Variants in PDE1C observed in about 807,000 individuals in gnomAD.
The protein encoded by PDE1C is dual specificity calcium/calmodulin-dependent 3',5'-cyclic nucleotide phosphodiesterase 1C.
A neutral mutation model predicts 93.1 loss-of-function variants in PDE1C; 62 were observed. The ratio of observed to expected loss-of-function variants is 0.67; its 90% confidence interval spans 0.54 to 0.82. The LOEUF (loss-of-function observed/expected upper bound fraction) is 0.82. PDE1C is among the 40% of genes least tolerant of loss of function. The pLI, the probability that PDE1C is intolerant of heterozygous loss-of-function variation, is 0.00. For missense variants in PDE1C, 742 were observed against 884.6 expected (o/e 0.84, Z 2.04); for synonymous variants, 325 against 310.1 (o/e 1.05, Z -0.50).
chr7:31,657,580 C>T, the PDE1C span, among the ~76,000 whole-genome samples: 6 of 152,256 alleles, frequency 3.9e-5, no homozygotes, highest in East Asian at 1.9e-4. Flanking sequence ...ATACCACTTG[C>T]CCACTGCCAA....
the PDE1C span, among the ~76,000 whole-genome samples, chr7:31,646,251 A>C: frequency 6.6e-6 from 1 of 152,232 alleles, no homozygotes; most frequent in Admixed American, 6.5e-5. Flanking sequence ...CCCAGAGAGC[A>C]TGACTGGTCA....
the PDE1C span, among the ~76,000 whole-genome samples, chr7:31,669,025 G>C: frequency 1.7e-3 from 24 of 13,892 alleles, no homozygotes; most frequent in African/African-American, 3.5e-3. Flanking sequence ...AGTTCAGCCT[G>C]GGTCTGTTAA....
chr7:31,729,456 T>C, the PDE1C span, among the ~76,000 whole-genome samples: 1 of 152,250 alleles, frequency 6.6e-6, no homozygotes, highest in African/African-American at 2.4e-5. Context: ...TCTTGCATTG[T>C]GTAAAACCTA....
In PDE1C at chr7:32,147,984, T is replaced by TAAAAA. The variant is rs752433564; in HGVS notation, c.308+21796_308+21800dup. ...AACTTGCCTCTCAACCCATTTATGCTAAAAAAAAAAAAAAAAAAAAAGCCT... is the reference window on the plus strand; with the variant it reads ...AACTTGCCTCTCAACCCATTTATGCTAAAAAAAAAAAAAAAAAAAAAAAAAAGCCT... On this transcript the variant is annotated intron_variant, in intron 3 of 18. Transcript: ENST00000396193. Among the ~76,000 whole-genome samples the TAAAAA allele has an allele frequency of 3.0e-3, 241 of 79,672 alleles. 16 individuals carry two copies. Among genetic ancestry groups the TAAAAA allele is most frequent in the East Asian group, 0.011 (15 of 1,426 alleles). The allele number at this position is 79,672 out of a possible 152,430, so 52.3% of individuals were successfully genotyped here. A position where few individuals can be genotyped will look rare whatever the true frequency, so the allele number is the denominator to read the frequency against.
At chr7:31,960,840 C>G (rs544436915) in intron 2 of PDE1C, among the ~76,000 whole-genome samples, 2 of 152,220 alleles carry the variant, frequency 1.3e-5, no homozygotes, top group South Asian at 4.1e-4. Context: ...ACAGGTGTAT[C>G]AGTCAAAATG....
the PDE1C span, among the ~76,000 whole-genome samples, chr7:31,718,549 G>A: frequency 6.6e-6 from 1 of 152,230 alleles, no homozygotes; most frequent in Non-Finnish European, 1.5e-5. Context: ...TGAAGGGAAA[G>A]GAGGTCAGAG....
the PDE1C span, among the ~76,000 whole-genome samples, chr7:31,670,334 T>C: frequency 6.6e-6 from 1 of 152,170 alleles, no homozygotes; most frequent in African/African-American, 2.4e-5. Context: ...ATTTTAGACT[T>C]TCAAATTGGA....
chr7:32,208,095 C>T (rs1328509181), intron 2 of PDE1C, among the ~76,000 whole-genome samples: 3 of 152,150 alleles, frequency 2.0e-5, no homozygotes, highest in Admixed American at 6.5e-5. Flanking sequence ...TCATGAGAAG[C>T]GAGTGTTTTA....
the PDE1C span, among the ~76,000 whole-genome samples, chr7:31,737,617 C>A: frequency 2.6e-5 from 4 of 151,892 alleles, no homozygotes; most frequent in East Asian, 5.8e-4. Context: ...GCCTGGCAAA[C>A]ATGGTGAAAT....
At chr7:31,769,239 G>A (rs181064531) in intron 17 of PDE1C, among the ~76,000 whole-genome samples, 1 of 152,232 alleles carries the variant, frequency 6.6e-6, no homozygotes, top group East Asian at 1.9e-4. Context: ...TTAGCATATG[G>A]AAGATATTTT....
chr7:31,666,383 A>G, the PDE1C span, among the ~76,000 whole-genome samples: 2 of 152,178 alleles, frequency 1.3e-5, no homozygotes, highest in Admixed American at 1.3e-4. Flanking sequence ...AATTAGATTT[A>G]TTATCTTGCT....
intron 9 of PDE1C, among the ~76,000 whole-genome samples, chr7:31,843,973 A>G (rs1792229932): frequency 6.6e-6 from 1 of 151,742 alleles, no homozygotes; most frequent in Non-Finnish European, 1.5e-5. Context: ...TTTATGTAAC[A>G]TTTAAAAATC....
chr7:32,162,784 A>T (rs985939626), intron 3 of PDE1C, among the ~76,000 whole-genome samples: 2 of 152,110 alleles, frequency 1.3e-5, no homozygotes, highest in Non-Finnish European at 2.9e-5. Flanking sequence ...CGTCAAGTTC[A>T]CTTTCTGTGA....
chr7:32,122,830 CA>C, intron 3 of PDE1C, among the ~76,000 whole-genome samples: 1 of 152,180 alleles, frequency 6.6e-6, no homozygotes, highest in Non-Finnish European at 1.5e-5. Flanking sequence ...CAAACTAATC[CA>C]AAAGCTAGCA....
At chr7:31,657,925 C>T in the PDE1C span, among the ~76,000 whole-genome samples, 30 of 152,232 alleles carry the variant, frequency 2.0e-4, no homozygotes, top group East Asian at 2.9e-3. Context: ...CAAGGAAAAA[C>T]GTGGCCTCTT....
intron 16 of PDE1C, among the ~76,000 whole-genome samples, chr7:31,799,242 C>T (rs1785688010): frequency 1.3e-5 from 2 of 151,692 alleles, no homozygotes; most frequent in Admixed American, 1.3e-4. Context: ...TGCTGTTTGA[C>T]TCTTTTCTCC....
intron 3 of PDE1C, among the ~76,000 whole-genome samples, chr7:32,092,848 C>A (rs1034421678): frequency 2.0e-5 from 3 of 151,850 alleles, no homozygotes; most frequent in African/African-American, 7.3e-5. Context: ...TGAATCTACA[C>A]AACTTGTAGT....
chr7:31,640,373 A>G, the PDE1C span, among the ~76,000 whole-genome samples: 1 of 152,170 alleles, frequency 6.6e-6, no homozygotes, highest in African/African-American at 2.4e-5. Context: ...AATACTCAAG[A>G]GAGACCCTCT....
chr7:31,934,813 C>T (rs542786399), intron 2 of PDE1C, among the ~76,000 whole-genome samples: 238 of 152,120 alleles, frequency 1.6e-3, no homozygotes, highest in Middle Eastern at 3.4e-3. Flanking sequence ...GCTTGCCTGC[C>T]GTTCTTTTAT....
Sources: gnomAD v4.1 joint callset for allele counts (sites outside exome capture counted in the v4.1 genomes callset) on GRCh38, gnomAD v4.1.1 for gene constraint, MANE v1.5 for transcripts, NCBI Gene and HGNC (gene_info 2026-07-23, HGNC 2026-07-21) for gene names.